Variants in SPAG11B observed in about 807,000 individuals in gnomAD.
SPAG11B encodes the protein sperm-associated antigen 11B.
SPAG11B carries 5 observed loss-of-function variants against 8.9 expected under a neutral mutation model. That is an observed-to-expected ratio of 0.56 (90% CI 0.29 to 1.19). The LOEUF (loss-of-function observed/expected upper bound fraction) is 1.19, where lower values mean the gene tolerates loss of function less well. Among genes scored for constraint, SPAG11B ranks in the 50% most tolerant of loss-of-function variants. SPAG11B has a pLI of 0.08. For missense variants in SPAG11B, 38 were observed against 146.4 expected (o/e 0.26, Z 3.82); for synonymous variants, 12 against 53.0 (o/e 0.23, Z 3.36).
intron 2 of SPAG11B, among the ~76,000 whole-genome samples, chr8:7,459,452 C>T (rs2738015): frequency 6.9e-6 from 1 of 144,794 alleles, no homozygotes; most frequent in South Asian, 2.4e-4. Flanking sequence ...GAGAGAAAAC[C>T]ATGGACTAAT....
At chr8:7,451,217 G>A (rs781311997) in intron 2 of SPAG11B, 1 of 1,531,170 alleles carries the variant, frequency 6.5e-7, no homozygotes, top group African/African-American at 1.5e-5. Context: ...GAAACAAAGG[G>A]AGTTTTGGAA....
chr8:7,450,957 G>T, intron 2 of SPAG11B, 57 bp from the exon 3 acceptor site: 1 of 1,538,616 alleles, frequency 6.5e-7, no homozygotes, highest in South Asian at 1.2e-5. Context: ...GAGAATAGAA[G>T]ATGACCCCAG....
downstream of SPAG11B, among the ~76,000 whole-genome samples, chr8:7,450,325 T>C (rs2128871596): frequency 6.8e-6 from 1 of 147,076 alleles, no homozygotes; most frequent in East Asian, 1.9e-4. Flanking sequence ...TAAGGTGCAT[T>C]ACCATCTGGG....
chr8:7,458,900 G>A (rs1810607531), intron 2 of SPAG11B, among the ~76,000 whole-genome samples: 1 of 77,010 alleles, frequency 1.3e-5, no homozygotes, highest in Non-Finnish European at 2.4e-5. Context: ...ACATGGATAA[G>A]AATAAAGCGG....
At chr8:7,458,717 A>G (rs1810598901) in intron 2 of SPAG11B, among the ~76,000 whole-genome samples, 1 of 130,828 alleles carries the variant, frequency 7.6e-6, no homozygotes, top group African/African-American at 3.1e-5. Context: ...AGATATAAAA[A>G]TAAATATCTG....
chr8:7,453,403 A>G (rs1447822639), intron 2 of SPAG11B, among the ~76,000 whole-genome samples: 4 of 149,168 alleles, frequency 2.7e-5, no homozygotes, highest in African/African-American at 1.0e-4. Context: ...CCTGGGCTTC[A>G]TAACAATTGC....
chr8:7,451,697 G>T (rs1369186793), intron 2 of SPAG11B, among the ~76,000 whole-genome samples: 1 of 117,138 alleles, frequency 8.5e-6, no homozygotes, highest in African/African-American at 3.0e-5. Flanking sequence ...CCCCCAGCCT[G>T]GAAGCGTGGA....
At chr8:7,459,082 C>T (rs1455394944) in intron 2 of SPAG11B, among the ~76,000 whole-genome samples, 1 of 91,530 alleles carries the variant, frequency 1.1e-5, no homozygotes, top group Non-Finnish European at 1.9e-5. Context: ...CCTGTAATCC[C>T]AGCTACTTAG....
In SPAG11B at chr8:7,459,460, A is replaced by G. The variant is rs1190617685; in HGVS notation, c.214+3247T>C. On this transcript the variant is annotated intron_variant, in intron 2 of 2. Coordinates refer to ENST00000398462, the MANE Select transcript of SPAG11B (RefSeq NM_058201.4). ...TCTTTCTGAGAGAAAACCATGGACT[A>G]ATTGAAAGACTACTACACATCAAGC... is the stretch of plus-strand genomic sequence containing the variant. Among the ~76,000 whole-genome samples the G allele has an allele frequency of 6.8e-5, 10 of 147,206 alleles. 2 individuals carry two copies. Among genetic ancestry groups the G allele is most frequent in the Admixed American group, 1.4e-4 (2 of 14,674 alleles).
At chr8:7,454,112 G>C (rs1328329604) in intron 2 of SPAG11B, among the ~76,000 whole-genome samples, 1 of 125,704 alleles carries the variant, frequency 8.0e-6, no homozygotes, top group East Asian at 2.4e-4. Flanking sequence ...AAGAAAGAAA[G>C]AAAAGCAATT....
intron 2 of SPAG11B, among the ~76,000 whole-genome samples, chr8:7,451,681 G>A (rs1331263673): frequency 1.6e-5 from 2 of 127,112 alleles, no homozygotes; most frequent in African/African-American, 5.8e-5. Context: ...AGTCAAGACA[G>A]AAGAGCCCCC....
chr8:7,451,138 C>T lies in SPAG11B; in HGVS notation c.215-238G>A, dbSNP rs765051657. 11 of 1,558,956 alleles carry T rather than the reference C, an allele frequency of 7.1e-6. 1 individual carries two copies. The South Asian group carries it at 1.2e-4, about 17-fold the overall frequency. ...TGAATGCTCACCTGGCCCATCTAGG[C>T]CCTAAAAAGTCCACACAGATCCTAA... is the stretch of plus-strand genomic sequence containing the variant. On this transcript the variant is annotated intron_variant, in intron 2 of 2. Coordinates refer to ENST00000398462, the MANE Select transcript of SPAG11B (RefSeq NM_058201.4).
Position 7,462,754 on chromosome 8 carries a change from T to C in SPAG11B, c.167A>G (p.His56Arg), listed in dbSNP as rs1810744214. The stretch of plus-strand genomic sequence containing the variant: ...TGGTAAGAGGTCCCGTTTCACTGCG[T>C]GGCGTAGCAGCTGAAACCCGTTTGT... ...QGTNGFQLLR[H>R]AVKRDLLPPR... The change falls in exon 2 of 3, where the codon CAC becomes CGC. Residue 56 changes from histidine to arginine, a missense_variant. His to Arg is a conservative substitution (Grantham distance 29, BLOSUM62 0). Around this residue, in one of 3 missense-constraint regions of SPAG11B, gnomAD observed 0 missense variants for 69.7 expected, o/e 0.00. Coordinates refer to ENST00000398462, the MANE Select transcript of SPAG11B (RefSeq NM_058201.4). 1 of 1,611,996 alleles carries C rather than the reference T, an allele frequency of 6.2e-7. No homozygotes were observed. The highest frequency in any genetic ancestry group is 8.5e-7 in the Non-Finnish European group (1 of 1,179,362).
chr8:7,453,917 AAG>A (rs1178205030), intron 2 of SPAG11B, among the ~76,000 whole-genome samples: 11 of 149,406 alleles, frequency 7.4e-5, no homozygotes, highest in Admixed American at 4.0e-4. Flanking sequence ...ACCAAAAAAA[AAG>A]AGAGAAAAAA....
chr8:7,451,523 A>G (rs1304002978), intron 2 of SPAG11B, among the ~76,000 whole-genome samples: 3 of 102,508 alleles, frequency 2.9e-5, no homozygotes, highest in African/African-American at 7.1e-5. Flanking sequence ...CAACAACAAC[A>G]GCACAGTGTT....
chr8:7,453,012 C>T (rs1408961123), intron 2 of SPAG11B, among the ~76,000 whole-genome samples: 1 of 146,412 alleles, frequency 6.8e-6, no homozygotes, highest in Non-Finnish European at 1.5e-5. Context: ...GCAAAATTCA[C>T]CTATTTATGA....
Position 7,452,968 on chromosome 8 carries a change from C to A in SPAG11B, c.215-2068G>T, listed in dbSNP as rs866555687. ...CGCTATGCTGAAAGAAAAAAAAAAA[C>A]AGAGACAACGTACCACATTATTCCA... On this transcript the variant is annotated intron_variant, in intron 2 of 2. Coordinates refer to ENST00000398462, the MANE Select transcript of SPAG11B (RefSeq NM_058201.4). 1.0e-4 allele frequency among the ~76,000 whole-genome samples: 15 copies of A among 147,266 alleles called. No individual in the cohort carries two copies. In the South Asian group the frequency reaches 2.2e-3, roughly 21 times the overall value.
rs557570562 is a variant in SPAG11B, at chr8:7,452,944, G to T, written c.215-2044C>A. 2.7e-5 allele frequency among the ~76,000 whole-genome samples: 4 copies of T among 146,004 alleles called. 1 individual carries two copies. The highest frequency in any genetic ancestry group is 2.0e-4 in the Admixed American group (3 of 14,656). On this transcript the variant is annotated intron_variant, in intron 2 of 2. Coordinates refer to ENST00000398462, the MANE Select transcript of SPAG11B (RefSeq NM_058201.4). ...AACAACGTGGATGAACCTCACAAAC[G>T]CTATGCTGAAAGAAAAAAAAAAACA... is the stretch of plus-strand genomic sequence containing the variant.
intron 2 of SPAG11B, among the ~76,000 whole-genome samples, chr8:7,453,894 C>A: frequency 6.7e-6 from 1 of 149,210 alleles, no homozygotes; most frequent in Non-Finnish European, 1.5e-5. Context: ...CTCCAAGCTG[C>A]TTTTGACCCT....
Sources: gnomAD v4.1 joint callset for allele counts (sites outside exome capture counted in the v4.1 genomes callset) on GRCh38, gnomAD v4.1.1 for gene constraint, gnomAD v4.1.1 regional missense constraint, MANE v1.5 for transcripts, NCBI Gene and HGNC (gene_info 2026-07-23, HGNC 2026-07-21) for gene names.